CSTL1: variants seen among roughly 807,000 people sequenced by gnomAD.
CSTL1 encodes cystatin like 1, also known as cystatin-like 1.
In CSTL1, 14 loss-of-function variants were observed where a neutral mutation model predicts 14.4. The observed-to-expected ratio is 0.97, with a 90% CI of 0.64 to 1.52. CSTL1 has a LOEUF of 1.52. Ranked by LOEUF, CSTL1 falls within the 40% of genes most tolerant of loss-of-function variation. The probability of loss-of-function intolerance (pLI) is 0.00; values close to 1 mark genes in which losing one functional copy is unlikely to be tolerated. For synonymous variants in CSTL1, 72 were observed against 67.5 expected, an observed-to-expected ratio of 1.07 and a Z score of -0.33; for missense variants, 170 against 168.7, an observed-to-expected ratio of 1.01 and a Z score of -0.04.
chr20:23,446,245 C>A (rs1393937779), downstream of CSTL1, among the ~76,000 whole-genome samples: 1 of 150,382 alleles, frequency 6.6e-6, no homozygotes, highest in African/African-American at 2.5e-5. Flanking sequence ...TGCAAGCAGC[C>A]TTTCTTTCTT....
At position 23,440,192 on chromosome 20, in the gene CSTL1, G is replaced by A. The variant is rs1450941866; in HGVS notation, c.-76G>A. 9 of 1,479,140 alleles carry A rather than the reference G, an allele frequency of 6.1e-6. No homozygotes were observed. Among genetic ancestry groups the A allele is most frequent in the South Asian group, 1.2e-5 (1 of 85,660 alleles). 91.6% of individuals were successfully genotyped at this position (1,479,140 alleles called of 1,614,324 possible). A position where few individuals can be genotyped will look rare whatever the true frequency, so the allele number is the denominator to read the frequency against. ...TATGTTGGTGAGGGTTATGATGGGA[G>A]AATGAGTGAACTGCAGCCTGGCACC... On this transcript the variant is annotated 5_prime_UTR_variant, in exon 2 of 4. Coordinates refer to ENST00000347397, the MANE Select transcript of CSTL1 (RefSeq NM_138283.1).
chr20:23,442,830 C>G (rs538722174), intron 2 of CSTL1, among the ~76,000 whole-genome samples: 1 of 152,310 alleles, frequency 6.6e-6, no homozygotes, highest in Admixed American at 6.5e-5. Context: ...CAGGGAGCTT[C>G]CCAGAGCTTC....
At chr20:23,453,239 C>T in the CSTL1 span, among the ~76,000 whole-genome samples, 1 of 151,806 alleles carries the variant, frequency 6.6e-6, no homozygotes, top group East Asian at 1.9e-4. Flanking sequence ...TGGGGAGGGG[C>T]CGCCTGCACC....
chr20:23,448,078 G>C (rs1402647657), downstream of CSTL1, among the ~76,000 whole-genome samples: 3 of 152,006 alleles, frequency 2.0e-5, no homozygotes, highest in South Asian at 2.1e-4. Context: ...AACAGGTGCT[G>C]TTTGGTTACA....
chr20:23,446,384 T>G (rs1448994268), downstream of CSTL1, among the ~76,000 whole-genome samples: 1 of 152,210 alleles, frequency 6.6e-6, no homozygotes, highest in East Asian at 1.9e-4. Flanking sequence ...GCCTCCCTAG[T>G]AGCTGGGACT....
chr20:23,460,197 G>T, the CSTL1 span, among the ~76,000 whole-genome samples: 3 of 152,184 alleles, frequency 2.0e-5, no homozygotes, highest in African/African-American at 7.2e-5. Context: ...AATGGTGACT[G>T]CCTAACAGCT....
chr20:23,444,144 A>G, intron 3 of CSTL1, 100 bp downstream of exon 3: 2 of 1,010,746 alleles, frequency 2.0e-6, no homozygotes, highest in Non-Finnish European at 3.0e-6. Flanking sequence ...GATTGGGGCC[A>G]GCTGGGGCCC....
chr20:23,445,470 G>A (rs934499930), downstream of CSTL1, among the ~76,000 whole-genome samples: 1 of 152,018 alleles, frequency 6.6e-6, no homozygotes, highest in African/African-American at 2.4e-5. Context: ...TCTTGCCTAG[G>A]CTGGTCATGG....
At chr20:23,459,460 ATTG>A in the CSTL1 span, 9 of 152,170 alleles carry the variant, frequency 5.9e-5, no homozygotes, top group African/African-American at 2.2e-4. Flanking sequence ...TTCAATTATT[ATTG>A]TTGTTGTTAT....
the CSTL1 span, among the ~76,000 whole-genome samples, chr20:23,453,333 C>G: frequency 6.6e-6 from 1 of 152,076 alleles, no homozygotes; most frequent in Non-Finnish European, 1.5e-5. Context: ...CAGAGGCACC[C>G]TACAGAAAGG....
At chr20:23,452,723 G>GT in the CSTL1 span, 1 of 1,614,060 alleles carries the variant, frequency 6.2e-7, no homozygotes. Context: ...GCTTAGAAAG[G>GT]TTTTCTTCCT....
the CSTL1 span, chr20:23,457,443 C>A: frequency 1.3e-5 from 2 of 152,092 alleles, no homozygotes; most frequent in Admixed American, 1.3e-4. Flanking sequence ...TAAAAAATTC[C>A]ATTTAACATT....
At chr20:23,446,536 G>A (rs1473352978), downstream of CSTL1, among the ~76,000 whole-genome samples, 8 of 152,104 alleles carry the variant, frequency 5.3e-5, no homozygotes, top group South Asian at 2.1e-4. Context: ...GATGACAAGC[G>A]TGAGCCACTG....
At chr20:23,460,472 A>C in the CSTL1 span, among the ~76,000 whole-genome samples, 1 of 152,188 alleles carries the variant, frequency 6.6e-6, no homozygotes, top group Admixed American at 6.5e-5. Context: ...CCATTTGTTG[A>C]ATAGTTATCT....
the CSTL1 span, among the ~76,000 whole-genome samples, chr20:23,458,169 T>C: frequency 6.6e-6 from 1 of 152,184 alleles, no homozygotes; most frequent in African/African-American, 2.4e-5. Context: ...GATGCTAAAA[T>C]TAAAAATAGA....
At chr20:23,455,281 T>C in the CSTL1 span, among the ~76,000 whole-genome samples, 1 of 152,224 alleles carries the variant, frequency 6.6e-6, no homozygotes. Flanking sequence ...ACCATAGTTT[T>C]GGTCTCTAAT....
the CSTL1 span, among the ~76,000 whole-genome samples, chr20:23,457,940 C>T: frequency 6.6e-6 from 1 of 152,152 alleles, no homozygotes; most frequent in Admixed American, 6.5e-5. Flanking sequence ...CCTATTTTGT[C>T]TCTTGGGAGG....
At chr20:23,450,483 C>T in the CSTL1 span, 21 of 1,529,642 alleles carry the variant, frequency 1.4e-5, no homozygotes, top group East Asian at 6.9e-5. Context: ...ATGCAGTGGC[C>T]GCAGTTGTAC....
In CSTL1 at chr20:23,440,374, TGAGCAAGAA is replaced by T. The variant is rs1356291902; in HGVS notation, c.110_118del (p.Ser37_Lys39del). The stretch of plus-strand genomic sequence containing the variant: ...TGGGAGGGCTTCCAGCAGAAGCTCA[TGAGCAAGAA>T]GAACATGAATTCAACACTCAACTTC... On this transcript the variant is annotated inframe_deletion, in exon 2 of 4. Transcript: ENST00000347397. 4 of 1,614,100 alleles carry T rather than the reference TGAGCAAGAA, an allele frequency of 2.5e-6. No individual in the cohort carries two copies. In the African/African-American group the frequency reaches 5.3e-5, roughly 22 times the overall value.
Sources: allele counts gnomAD v4.1 joint callset (sites outside exome capture counted in the v4.1 genomes callset), GRCh38; gene constraint gnomAD v4.1.1; transcripts MANE v1.5; gene names NCBI Gene and HGNC (gene_info 2026-07-23, HGNC 2026-07-21).